The following MYLK2 variants were observed in gnomAD, a reference collection of about 807,000 sequenced individuals.
MYLK2 encodes myosin light chain kinase 2, skeletal/cardiac muscle.
MYLK2 carries 27 observed loss-of-function variants against 58.2 expected under a neutral mutation model. The ratio of observed to expected loss-of-function variants is 0.46; its 90% confidence interval spans 0.34 to 0.64. The LOEUF is 0.64. Ranked by LOEUF, MYLK2 falls within the 30% of genes least tolerant of loss-of-function variation. MYLK2 has a pLI of 0.01. For missense variants in MYLK2, 676 were observed against 764.3 expected (o/e 0.88, Z 1.36); for synonymous variants, 310 against 296.7 (o/e 1.04, Z -0.46).
chr20:31,832,160 A>C (rs1303087106), intron 12 of MYLK2, 24 bp downstream of exon 12: 3 of 877,964 alleles, frequency 3.4e-6, no homozygotes, highest in Non-Finnish European at 5.4e-6. Flanking sequence ...CAGGGTGGGG[A>C]GGGAGGGCTT....
At position 31,823,594 on chromosome 20, in the gene MYLK2, G is replaced by A; in HGVS notation, c.878+12G>A. On this transcript the variant is annotated intron_variant, in intron 5 of 12. Coordinates refer to ENST00000375985, the MANE Select transcript of MYLK2 (RefSeq NM_033118.4). ...GAGGCGCTCGGAGGGTGAGATCTGGGACCCCAGCTGGGCACTCATGGACAG... is the reference window on the plus strand; with the variant it reads ...GAGGCGCTCGGAGGGTGAGATCTGGAACCCCAGCTGGGCACTCATGGACAG... 1.2e-6 allele frequency: 2 copies of A among 1,612,478 alleles called. No homozygotes were observed. The highest frequency in any genetic ancestry group is 1.7e-6 in the Non-Finnish European group (2 of 1,178,914).
At chr20:31,833,603 C>A in intron 12 of MYLK2, 114 bp from the exon 13 acceptor site, 1 of 968,416 alleles carries the variant, frequency 1.0e-6, no homozygotes, top group Non-Finnish European at 1.7e-6. Context: ...GGCACTGCAC[C>A]TTCTCTAGCC....
chr20:31,823,996 C>T (rs2062265675), intron 5 of MYLK2: 1 of 984,842 alleles, frequency 1.0e-6, no homozygotes, highest in Non-Finnish European at 1.2e-6. Flanking sequence ...AGGGTCGCAT[C>T]CCAGGGCCAT....
chr20:31,824,129 T>C, intron 5 of MYLK2, 130 bp from the exon 6 acceptor site: 1 of 1,525,460 alleles, frequency 6.6e-7, no homozygotes, highest in East Asian at 2.5e-5. Context: ...CTGGGGTGAG[T>C]GCTCCCATCT....
rs554990560 is a variant in MYLK2 at position 31,831,796 on chromosome 20, T to C, written c.1518T>C (p.Phe506=). The C allele has an allele frequency of 8.1e-6, 13 of 1,614,192 alleles. 1 individual carries two copies. Among genetic ancestry groups the C allele is most frequent in the African/African-American group, 2.7e-5 (2 of 75,036 alleles). Residue 506 remains phenylalanine (F), a synonymous_variant, in exon 11 of 13, where the codon TTT becomes TTC. Transcript: ENST00000375985. ...ACTGGTACTTTGATGAAGAGACCTT[T>C]GAGGCCGTATCAGACGAGGCCAAAG... The part of the protein sequence containing the change: ...SGNWYFDEET[F]EAVSDEAKDF...
intron 12 of MYLK2, among the ~76,000 whole-genome samples, chr20:31,833,185 G>T (rs568521871): frequency 6.6e-6 from 1 of 152,176 alleles, no homozygotes; most frequent in Admixed American, 6.5e-5. Flanking sequence ...TTCTAAATAG[G>T]GGGGGTCAGG....
rs140644585 is a variant in MYLK2 at position 31,826,355 on chromosome 20, G to T, written c.973-250G>T. On this transcript the variant is annotated intron_variant, in intron 6 of 12. Coordinates refer to ENST00000375985, the MANE Select transcript of MYLK2 (RefSeq NM_033118.4). ...AGAGCAGAGAGAGGGAAGCGGTGAG[G>T]GGGGAGGATGGAGATCTTGGCATGT... Among the ~76,000 whole-genome samples, 41 of 152,146 alleles carry T rather than the reference G, an allele frequency of 2.7e-4. 1 individual carries two copies. The East Asian group carries it at 4.1e-3, about 15-fold the overall frequency.
chr20:31,827,907 A>G (rs1426226893), intron 8 of MYLK2, among the ~76,000 whole-genome samples: 5 of 106,436 alleles, frequency 4.7e-5, no homozygotes, highest in Non-Finnish European at 9.1e-5. Context: ...TTTTTTTGAG[A>G]CAGAAAGTCT....
chr20:31,819,705 C>G, intron 2 of MYLK2, 73 bp downstream of exon 2: 5 of 1,510,880 alleles, frequency 3.3e-6, no homozygotes, highest in Non-Finnish European at 4.5e-6. Flanking sequence ...TGGGCAGGTT[C>G]CTCAGTGGGA....
intron 8 of MYLK2, among the ~76,000 whole-genome samples, chr20:31,828,949 G>T (rs1006008601): frequency 3.3e-5 from 5 of 152,168 alleles, no homozygotes; most frequent in Non-Finnish European, 7.3e-5. Context: ...GGGAGGGAAA[G>T]GGGCCAGATG....
Position 31,833,976 on chromosome 20 carries a change from T to A in MYLK2, c.*179T>A. 1.6e-6 allele frequency: 1 copy of A among 621,294 alleles called. No homozygotes were observed. The highest frequency in any genetic ancestry group is 2.8e-5 in the East Asian group (1 of 36,126). 38.5% of individuals were successfully genotyped at this position (621,294 alleles called of 1,614,324 possible). ...CCATGCAGTGACCGCTTCCCCGATG[T>A]GAGCCGCCTCGGAGTGTGGCCTGGA... On this transcript the variant is annotated 3_prime_UTR_variant, in exon 13 of 13. Transcript: ENST00000375985.
rs775059729 is a variant in MYLK2 at position 31,832,051 on chromosome 20, A to G, written c.1625A>G (p.Asn542Ser). ...TGTCTCGCCCATCCCTGGCTCAACA[A>G]CCTGGCGGAGAAAGCCAAACGCTGT... The part of the protein sequence containing the change: ...AQCLAHPWLN[N>S]LAEKAKRCNR... Residue 542 changes from asparagine (N) to serine (S), a missense_variant, in exon 12 of 13, where the codon AAC becomes AGC. Asn to Ser is a conservative substitution (Grantham distance 46, BLOSUM62 1). This residue lies in a region of MYLK2 where 370 missense variants were observed against 467.8 expected (regional missense o/e 0.79). Transcript: ENST00000375985. 1.3e-5 allele frequency: 21 copies of G among 1,606,624 alleles called. No homozygotes were observed. Among genetic ancestry groups the G allele is most frequent in the Non-Finnish European group, 1.5e-5 (18 of 1,176,596 alleles).
rs1408086070 is a variant in MYLK2 at position 31,821,528 on chromosome 20, C to A, written c.563C>A (p.Pro188His). 6.2e-7 allele frequency: 1 copy of A among 1,614,056 alleles called. No individual in the cohort carries two copies. Among genetic ancestry groups the A allele is most frequent in the Non-Finnish European group, 8.5e-7 (1 of 1,180,038 alleles). ...GVPMTHSPTD[P>H]RPAKAEEGKN... ...CCCATGACCCACAGCCCCACGGATCCCAGGCCAGCCAAGGCAGAAGAAGGA... is the reference window on the plus strand; with the variant it reads ...CCCATGACCCACAGCCCCACGGATCACAGGCCAGCCAAGGCAGAAGAAGGA... The change falls in exon 4 of 13, where the codon CCC (proline) becomes CAC (histidine). Residue 188 changes from proline to histidine, a missense_variant. Around this residue, in one of 2 missense-constraint regions of MYLK2, gnomAD observed 306 missense variants for 296.5 expected, o/e 1.03. Coordinates refer to ENST00000375985, the MANE Select transcript of MYLK2 (RefSeq NM_033118.4).
rs562603048 is a variant in MYLK2, at chr20:31,827,132, A to G, written c.1224+194A>G. The G allele has an allele frequency of 5.5e-4, 488 of 894,698 alleles. 2 individuals carry two copies. The South Asian group carries it at 0.011, about 21-fold the overall frequency. The allele number at this position is 894,698 out of a possible 1,614,324, so 55.4% of individuals were successfully genotyped here. On this transcript the variant is annotated intron_variant, in intron 8 of 12. Transcript: ENST00000375985. ...AGCCGGGGGCACAGCAAAGAGAGAG[A>G]GGGGGGGAAAAAAAAAAGACGTGGT...
chr20:31,826,407 A>C (rs540557158), intron 6 of MYLK2, among the ~76,000 whole-genome samples, 198 bp from the exon 7 acceptor site: 2 of 151,724 alleles, frequency 1.3e-5, no homozygotes, highest in Admixed American at 1.3e-4. Flanking sequence ...AGCCGGCAAA[A>C]GGAAGATGTC....
At chr20:31,825,856 A>G (rs1401317110) in intron 6 of MYLK2, among the ~76,000 whole-genome samples, 1 of 152,234 alleles carries the variant, frequency 6.6e-6, no homozygotes, top group East Asian at 1.9e-4. Flanking sequence ...TAGCCGATAT[A>G]TCAGCCTACC....
intron 3 of MYLK2, 70 bp from the exon 4 acceptor site, chr20:31,821,369 G>A: frequency 1.9e-6 from 3 of 1,591,270 alleles, no homozygotes; most frequent in Non-Finnish European, 2.6e-6. Flanking sequence ...TCTGCAGATT[G>A]CATTGAGACT....
intron 2 of MYLK2, among the ~76,000 whole-genome samples, chr20:31,819,913 A>G (rs1225518203): frequency 3.3e-5 from 5 of 152,156 alleles, no homozygotes; most frequent in Non-Finnish European, 7.4e-5. Flanking sequence ...ACCAAGGCCC[A>G]CCCAAAGGGC....
In MYLK2 at chr20:31,827,416, T is replaced by C. The variant is rs537743215; in HGVS notation, c.1224+478T>C. ...GAGATCCTGTGGTGAACCAAACAGATAAAAATCCCTGCATTCTTGGAGCTC... is the reference window on the plus strand; with the variant it reads ...GAGATCCTGTGGTGAACCAAACAGACAAAAATCCCTGCATTCTTGGAGCTC... On this transcript the variant is annotated intron_variant, in intron 8 of 12. Coordinates refer to ENST00000375985, the MANE Select transcript of MYLK2 (RefSeq NM_033118.4). 9.4e-5 allele frequency: 93 copies of C among 985,430 alleles called. No homozygotes were observed. The African/African-American group carries it at 1.5e-3, about 16-fold the overall frequency. 61.0% of individuals were successfully genotyped at this position (985,430 alleles called of 1,614,324 possible). A position where few individuals can be genotyped will look rare whatever the true frequency, so the allele number is the denominator to read the frequency against.
Sources: allele counts gnomAD v4.1 joint callset (sites outside exome capture counted in the v4.1 genomes callset), GRCh38; gene constraint gnomAD v4.1.1; regional missense constraint gnomAD v4.1.1; transcripts MANE v1.5; gene names NCBI Gene and HGNC (gene_info 2026-07-23, HGNC 2026-07-21).